GABRA3: variants seen among roughly 807,000 people sequenced by gnomAD.
GABRA3 encodes gamma-aminobutyric acid type A receptor subunit alpha3.
GABRA3 carries 10 observed loss-of-function variants against 30.1 expected under a neutral mutation model. That is an observed-to-expected ratio of 0.33 (90% CI 0.20 to 0.56). The LOEUF is 0.56. Ranked by LOEUF, GABRA3 falls within the 20% of genes least tolerant of loss-of-function variation. GABRA3 has a pLI of 0.89. For synonymous variants in GABRA3, 151 were observed against 146.8 expected (o/e 1.03, Z -0.21); for missense variants, 233 against 392.0 (o/e 0.59, Z 3.42).
chrX:152,381,016 G>A (rs760246761), intron 1 of GABRA3, among the ~76,000 whole-genome samples: 7 of 111,172 alleles, frequency 6.3e-5, no homozygotes, highest in East Asian at 2.8e-4. Context: ...AAATAGATTC[G>A]TTCCTAGGAG....
intron 2 of GABRA3, among the ~76,000 whole-genome samples, chrX:152,351,606 T>C (rs936722729): frequency 5.3e-5 from 6 of 112,235 alleles, no homozygotes; most frequent in African/African-American, 1.9e-4. Flanking sequence ...ATATTTGCAA[T>C]AAGGCTGTTT....
chrX:152,448,518 A>G (rs1461608964), intron 1 of GABRA3, among the ~76,000 whole-genome samples: 4 of 111,573 alleles, frequency 3.6e-5, no homozygotes, highest in Non-Finnish European at 7.5e-5. Flanking sequence ...CATCTGAGCT[A>G]GGAATGGAAC....
intron 5 of GABRA3, among the ~76,000 whole-genome samples, chrX:152,251,490 T>C (rs1225842599): frequency 9.1e-6 from 1 of 109,909 alleles, no homozygotes; most frequent in Admixed American, 9.8e-5. Flanking sequence ...TCCTGTTCTT[T>C]TCATTCATTC....
intron 1 of GABRA3, among the ~76,000 whole-genome samples, chrX:152,417,809 G>A (rs1278064155): frequency 1.0e-5 from 1 of 96,051 alleles, no homozygotes; most frequent in Non-Finnish European, 2.1e-5. Flanking sequence ...CTCACTCATA[G>A]GTGGGAATTG....
intron 1 of GABRA3, among the ~76,000 whole-genome samples, chrX:152,415,340 A>T (rs771311687): frequency 1.1e-3 from 127 of 111,206 alleles, no homozygotes; most frequent in Non-Finnish European, 2.1e-3. Context: ...AAACCCTATT[A>T]ATTTTCTAAA....
At chrX:152,429,335 A>G (rs1306037799) in intron 1 of GABRA3, among the ~76,000 whole-genome samples, 1 of 108,696 alleles carries the variant, frequency 9.2e-6, no homozygotes, top group Admixed American at 9.9e-5. Flanking sequence ...AAGCAGCATT[A>G]CTGGCCTCAC....
intron 8 of GABRA3, 106 bp downstream of exon 8, chrX:152,197,527 A>G: frequency 5.5e-6 from 4 of 723,365 alleles, no homozygotes; most frequent in Non-Finnish European, 7.9e-6. Flanking sequence ...TGCTAGGCAC[A>G]GGAATTTCTC....
At chrX:152,384,747 TAAAAC>T (rs1929249284) in intron 1 of GABRA3, among the ~76,000 whole-genome samples, 1 of 112,131 alleles carries the variant, frequency 8.9e-6, no homozygotes, top group South Asian at 3.6e-4. Flanking sequence ...AAGCAACTGT[TAAAAC>T]AGACTACATT....
intron 4 of GABRA3, among the ~76,000 whole-genome samples, chrX:152,269,300 A>C (rs149077459): frequency 8.9e-5 from 10 of 112,250 alleles, no homozygotes; most frequent in African/African-American, 2.9e-4. Flanking sequence ...AGAAAGATCA[A>C]TACAAGGAAA....
chrX:152,441,598 A>G (rs751032333), intron 1 of GABRA3, among the ~76,000 whole-genome samples: 1 of 111,912 alleles, frequency 8.9e-6, no homozygotes, highest in East Asian at 2.8e-4. Context: ...GACTTTACAA[A>G]TATCAAATTC....
At chrX:152,367,275 C>A (rs756125531) in intron 1 of GABRA3, among the ~76,000 whole-genome samples, 1 of 111,561 alleles carries the variant, frequency 9.0e-6, no homozygotes, top group South Asian at 3.8e-4. Flanking sequence ...GGCACAAATG[C>A]AGATGCCTTT....
intron 2 of GABRA3, among the ~76,000 whole-genome samples, chrX:152,354,761 G>GT (rs1569405670): frequency 9.0e-6 from 1 of 111,435 alleles, no homozygotes; most frequent in Non-Finnish European, 1.9e-5. Context: ...ATTCAAACTG[G>GT]TAGGTGAATC....
At chrX:152,365,229 T>C (rs1928624414) in intron 1 of GABRA3, among the ~76,000 whole-genome samples, 2 of 111,659 alleles carry the variant, frequency 1.8e-5, no homozygotes, top group Non-Finnish European at 3.8e-5. Context: ...TAAATTAGGT[T>C]GAGAAAATAC....
Position 152,168,382 on chromosome X carries a change from C to T in GABRA3, c.1325G>A (p.Ser442Asn), listed in dbSNP as rs200960985. 3.3e-6 allele frequency: 4 copies of T among 1,210,322 alleles called. No individual in the cohort carries two copies. The highest frequency in any genetic ancestry group is 4.5e-6 in the Non-Finnish European group (4 of 895,334). ...ASPKATYVQD[S>N]PTETKTYNSV... ...GTTGTAGGTCTTGGTCTCAGTCGGG[C>T]TGTCCTGCACGTAGGTGGCCTTGGG... Residue 442 changes from serine (S) to asparagine (N), a missense_variant, in exon 10 of 10, where the codon AGC (serine) becomes AAC (asparagine). Ser to Asn is a conservative substitution (Grantham distance 46). Coordinates refer to ENST00000370314, the MANE Select transcript of GABRA3 (RefSeq NM_000808.4).
intron 5 of GABRA3, among the ~76,000 whole-genome samples, chrX:152,228,977 T>C (rs764895292): frequency 9.0e-6 from 1 of 111,508 alleles, no homozygotes; most frequent in East Asian, 2.8e-4. Flanking sequence ...TCATCATTAT[T>C]ATTTTTACTA....
chrX:152,239,820 T>A (rs1453047730), intron 5 of GABRA3, among the ~76,000 whole-genome samples: 1 of 105,181 alleles, frequency 9.5e-6, no homozygotes, highest in Non-Finnish European at 1.9e-5. Context: ...TTGCAACCCC[T>A]GCCTTTTTTT....
At chrX:152,413,424 T>C (rs1603256585) in intron 1 of GABRA3, among the ~76,000 whole-genome samples, 1 of 111,281 alleles carries the variant, frequency 9.0e-6, no homozygotes, top group African/African-American at 3.3e-5. Context: ...AAGAAAACAT[T>C]AGCAAATTGA....
At chrX:152,198,967 T>C (rs1396646820) in intron 7 of GABRA3, among the ~76,000 whole-genome samples, 2 of 111,791 alleles carry the variant, frequency 1.8e-5, no homozygotes, top group African/African-American at 3.3e-5. Flanking sequence ...GATGAGGTCA[T>C]GCCGTACTGG....
intron 1 of GABRA3, among the ~76,000 whole-genome samples, chrX:152,429,435 T>C (rs1930598842): frequency 9.0e-6 from 1 of 110,826 alleles, no homozygotes; most frequent in Non-Finnish European, 1.9e-5. Flanking sequence ...ATTGCTTTAC[T>C]CCCTTGCTTA....
Sources: gnomAD v4.1 joint callset for allele counts (sites outside exome capture counted in the v4.1 genomes callset) on GRCh38, gnomAD v4.1.1 for gene constraint, MANE v1.5 for transcripts, NCBI Gene and HGNC (gene_info 2026-07-23, HGNC 2026-07-21) for gene names.